Variants in COL24A1 observed in about 807,000 individuals in gnomAD.
COL24A1 encodes the protein collagen alpha-1(XXIV) chain.
A neutral mutation model predicts 253.9 loss-of-function variants in COL24A1; 224 were observed. That is an observed-to-expected ratio of 0.88 (90% CI 0.79 to 0.99). The LOEUF (loss-of-function observed/expected upper bound fraction) is 0.99. Among genes scored for constraint, COL24A1 ranks in the 50% least tolerant of loss-of-function variants. The probability of loss-of-function intolerance (pLI) is 0.00; values close to 1 mark genes in which losing one functional copy is unlikely to be tolerated. For synonymous variants in COL24A1, 685 were observed against 673.7 expected, an observed-to-expected ratio of 1.02 and a Z score of -0.26; for missense variants, 2,131 against 2,068.5, an observed-to-expected ratio of 1.03 and a Z score of -0.59.
At chr1:86,105,928 C>T (rs1301909031) in intron 5 of COL24A1, among the ~76,000 whole-genome samples, 1 of 152,152 alleles carries the variant, frequency 6.6e-6, no homozygotes, top group African/African-American at 2.4e-5. Flanking sequence ...CCCTCTTCAG[C>T]CCAGCTTCTG....
intron 28 of COL24A1, among the ~76,000 whole-genome samples, chr1:85,904,326 C>A (rs1684602794): frequency 6.6e-6 from 1 of 152,102 alleles, no homozygotes; most frequent in Non-Finnish European, 1.5e-5. Flanking sequence ...TGTCATCTCT[C>A]CTGTTTGGGT....
chr1:86,146,010 A>C lies in COL24A1; in HGVS notation c.121+109T>G, dbSNP rs540147836. On this transcript the variant is annotated intron_variant, in intron 2 of 59. Coordinates refer to ENST00000370571, the MANE Select transcript of COL24A1 (RefSeq NM_152890.7). Reference sequence around the variant, plus strand: ...CATGGTACTGGGTGGAATTTTTGTTATTGTTTAATGTTGAATTTACAGTTA... The same window carrying C: ...CATGGTACTGGGTGGAATTTTTGTTCTTGTTTAATGTTGAATTTACAGTTA... 1.9e-5 allele frequency: 17 copies of C among 885,462 alleles called. No homozygotes were observed. The South Asian group carries it at 3.2e-4, about 17-fold the overall frequency. The allele number at this position is 885,462 out of a possible 1,614,324, so 54.9% of individuals were successfully genotyped here. A position where few individuals can be genotyped will look rare whatever the true frequency, so the allele number is the denominator to read the frequency against.
chr1:85,840,369 G>A (rs942828181), intron 42 of COL24A1, among the ~76,000 whole-genome samples: 1 of 151,876 alleles, frequency 6.6e-6, no homozygotes, highest in African/African-American at 2.4e-5. Context: ...TATATCTATT[G>A]CCTCTATATG....
chr1:86,141,545 A>C (rs1370193716), intron 2 of COL24A1, among the ~76,000 whole-genome samples: 1 of 152,140 alleles, frequency 6.6e-6, no homozygotes, highest in African/African-American at 2.4e-5. Context: ...TATATTCTAC[A>C]AGTAAGGTAT....
chr1:86,053,302 A>G (rs1182322107), intron 10 of COL24A1, among the ~76,000 whole-genome samples: 1 of 152,092 alleles, frequency 6.6e-6, no homozygotes, highest in Non-Finnish European at 1.5e-5. Flanking sequence ...TAATCAATTG[A>G]TAACTCAAGA....
intron 35 of COL24A1, among the ~76,000 whole-genome samples, chr1:85,873,756 C>A (rs925854956): frequency 6.6e-6 from 1 of 151,762 alleles, no homozygotes; most frequent in Admixed American, 6.6e-5. Context: ...GTGCAGCACA[C>A]CAACATGGCA....
intron 43 of COL24A1, among the ~76,000 whole-genome samples, chr1:85,831,554 T>G (rs1198214317): frequency 1.3e-5 from 2 of 152,062 alleles, no homozygotes; most frequent in African/African-American, 4.8e-5. Context: ...TTGGTAAAAA[T>G]TAAATGTGCC....
chr1:85,770,354 A>C (rs1043627133), intron 53 of COL24A1, among the ~76,000 whole-genome samples: 2 of 151,966 alleles, frequency 1.3e-5, no homozygotes, highest in Non-Finnish European at 2.9e-5. Context: ...ATTACCTTCT[A>C]ATCAAGACTT....
At chr1:85,909,883 A>G in intron 26 of COL24A1, 67 bp downstream of exon 26, 1 of 1,295,434 alleles carries the variant, frequency 7.7e-7, no homozygotes, top group Non-Finnish European at 1.1e-6. Context: ...AGGCAATTCC[A>G]TCTCTGGAAC....
rs150760976 is a variant in COL24A1, at chr1:86,140,354, C to A, written c.121+5765G>T. Reference sequence around the variant, plus strand: ...GGTATGTTAAAGGTGGCAATCGTTTCTTAGAAGTATTCTTACTTTAAATAG... The same window carrying A: ...GGTATGTTAAAGGTGGCAATCGTTTATTAGAAGTATTCTTACTTTAAATAG... On this transcript the variant is annotated intron_variant, in intron 2 of 59. Coordinates refer to ENST00000370571, the MANE Select transcript of COL24A1 (RefSeq NM_152890.7). 2.0e-5 allele frequency among the ~76,000 whole-genome samples: 3 copies of A among 152,284 alleles called. No individual in the cohort carries two copies. The East Asian group carries it at 5.8e-4, about 29-fold the overall frequency.
intron 55 of COL24A1, among the ~76,000 whole-genome samples, chr1:85,758,968 A>G (rs956498921): frequency 3.5e-5 from 5 of 143,062 alleles, no homozygotes; most frequent in African/African-American, 1.0e-4. Flanking sequence ...AAGAAACTCC[A>G]TATCTATTAA....
rs1162464091 is a variant in COL24A1 at position 85,874,771 on chromosome 1, C to T, written c.3085-69G>A. 5 of 1,539,898 alleles carry T rather than the reference C, an allele frequency of 3.2e-6. No individual in the cohort carries two copies. The African/African-American group carries it at 4.1e-5, about 13-fold the overall frequency. On this transcript the variant is annotated intron_variant, in intron 34 of 59. Coordinates refer to ENST00000370571, the MANE Select transcript of COL24A1 (RefSeq NM_152890.7). The stretch of plus-strand genomic sequence containing the variant: ...TGCATGGCTAATTATGGAGGGCATG[C>T]CATACGGCACAGTTCCCCAACGCCT...
At chr1:86,045,894 A>G in intron 12 of COL24A1, 1 of 433,492 alleles carries the variant, frequency 2.3e-6, no homozygotes. Context: ...TGTGAGTAGA[A>G]GACAGAGCAG....
intron 43 of COL24A1, among the ~76,000 whole-genome samples, chr1:85,829,510 C>G (rs1384923551): frequency 6.6e-6 from 1 of 151,940 alleles, no homozygotes; most frequent in Non-Finnish European, 1.5e-5. Flanking sequence ...TAATATCCTG[C>G]AGAGTGTTTT....
At chr1:85,849,268 C>T in intron 38 of COL24A1, 85 bp downstream of exon 38, 1 of 908,870 alleles carries the variant, frequency 1.1e-6, no homozygotes. Context: ...ACTATCTAGT[C>T]CAAATTAAAA....
At position 86,126,096 on chromosome 1, in the gene COL24A1, T is replaced by C. The variant is rs1016018348; in HGVS notation, c.240A>G (p.Ser80=). 1 of 1,613,284 alleles carries C rather than the reference T, an allele frequency of 6.2e-7. No individual in the cohort carries two copies. Among genetic ancestry groups the C allele is most frequent in the African/African-American group, 1.3e-5 (1 of 74,880 alleles). ...PLPQGVHLTE[S]GVIFKNDAYI... is the part of the protein sequence containing the mutation. ...AAGCATCATTTTTAAAAATGACTCC[T>C]GATTCTGTTAAATGGACCCCCTGAG... Residue 80 remains serine, a synonymous_variant, in exon 3 of 60, where the codon TCA becomes TCG. Transcript: ENST00000370571.
At chr1:85,875,846 A>C (rs957762281) in intron 33 of COL24A1, among the ~76,000 whole-genome samples, 1 of 151,848 alleles carries the variant, frequency 6.6e-6, no homozygotes, top group Non-Finnish European at 1.5e-5. Flanking sequence ...TTGAGAACAT[A>C]GAAGTTCTTG....
intron 37 of COL24A1, among the ~76,000 whole-genome samples, chr1:85,858,631 CCTT>C: frequency 7.6e-6 from 1 of 130,738 alleles, no homozygotes; most frequent in Middle Eastern, 3.9e-3. Context: ...CTCCTTCCTT[CCTT>C]CCTTCCTTCC....
chr1:85,762,193 G>C (rs1022951140), intron 53 of COL24A1, among the ~76,000 whole-genome samples: 2 of 152,148 alleles, frequency 1.3e-5, no homozygotes, highest in Non-Finnish European at 2.9e-5. Context: ...AAGTAACTTA[G>C]ATGTTCAGCT....
Sources: allele counts gnomAD v4.1 joint callset (sites outside exome capture counted in the v4.1 genomes callset), GRCh38; gene constraint gnomAD v4.1.1; transcripts MANE v1.5; gene names NCBI Gene and HGNC (gene_info 2026-07-23, HGNC 2026-07-21).